SDK2: variants seen among roughly 807,000 people sequenced by gnomAD.
The protein encoded by SDK2 is protein sidekick-2.
A neutral mutation model predicts 253.9 loss-of-function variants in SDK2; 105 were observed. That is an observed-to-expected ratio of 0.41 (90% CI 0.35 to 0.49). SDK2 has a LOEUF of 0.49. Ranked by LOEUF, SDK2 falls within the 20% of genes least tolerant of loss-of-function variation. The probability of loss-of-function intolerance (pLI) is 0.06; values close to 1 mark genes in which losing one functional copy is unlikely to be tolerated. For synonymous variants in SDK2, 1,249 were observed against 1,234.9 expected (o/e 1.01, Z -0.24); for missense variants, 2,608 against 3,003.0 (o/e 0.87, Z 3.07).
intron 1 of SDK2, among the ~76,000 whole-genome samples, chr17:73,532,205 C>T (rs1436687509): frequency 7.3e-6 from 1 of 137,626 alleles, no homozygotes; most frequent in African/African-American, 2.6e-5. Flanking sequence ...ACAGCCCCCC[C>T]ACCCACCCCC....
Position 73,471,002 on chromosome 17 carries a change from C to A in SDK2, c.331+1110G>T, listed in dbSNP as rs148145146. On this transcript the variant is annotated intron_variant, in intron 3 of 44. Coordinates refer to ENST00000392650, the MANE Select transcript of SDK2 (RefSeq NM_001144952.2). Reference sequence around the variant, plus strand: ...TAGGGGAAGAGTGTCGGTTGGTACTCTAGGACCCTGGCCCCTGAGATGCCC... The same window carrying A: ...TAGGGGAAGAGTGTCGGTTGGTACTATAGGACCCTGGCCCCTGAGATGCCC... Among the ~76,000 whole-genome samples the A allele has an allele frequency of 5.7e-4, 86 of 151,996 alleles. 1 individual carries two copies. In the East Asian group the frequency reaches 0.017, roughly 29 times the overall value.
chr17:73,643,955 GCTCCCGCCGCCCCTCCCCCGCCCACT>G lies in SDK2; in HGVS notation c.64+44_64+69del. ...CAGGAGGTCACCGTGAGGCCGGCCA[GCTCCCGCCGCCCCTCCCCCGCCCACT>G]CTCCCAGCCCCCTCCCTGTCCCCAC... On this transcript the variant is annotated intron_variant, in intron 1 of 44. Transcript: ENST00000392650. This position sits in a 1 kb window ranked among gnomAD's most constrained non-coding sequence, Gnocchi z 6.9. 1 of 1,098,634 alleles carries G rather than the reference GCTCCCGCCGCCCCTCCCCCGCCCACT, an allele frequency of 9.1e-7. No individual in the cohort carries two copies. Among genetic ancestry groups the G allele is most frequent in the Non-Finnish European group, 1.3e-6 (1 of 743,330 alleles). The allele number at this position is 1,098,634 out of a possible 1,614,324, so 68.1% of individuals were successfully genotyped here.
intron 1 of SDK2, among the ~76,000 whole-genome samples, chr17:73,516,180 G>T (rs556472912): frequency 3.3e-5 from 5 of 152,276 alleles, no homozygotes; most frequent in South Asian, 2.1e-4. Flanking sequence ...TGGCTCATAA[G>T]GTTTTGAGCA....
intron 2 of SDK2, among the ~76,000 whole-genome samples, chr17:73,492,836 T>G (rs371802483): frequency 4.0e-5 from 6 of 150,058 alleles, no homozygotes; most frequent in African/African-American, 7.4e-5. Flanking sequence ...GGGAGGGGAG[T>G]CAGGCGCCAC....
At chr17:73,517,477 G>A (rs1857908080) in intron 1 of SDK2, 1 of 152,228 alleles carries the variant, frequency 6.6e-6, no homozygotes, top group South Asian at 2.1e-4. Flanking sequence ...AGGGACTGAA[G>A]CGACGCATCT....
At chr17:73,495,883 C>T (rs1015981876) in intron 2 of SDK2, among the ~76,000 whole-genome samples, 6 of 152,198 alleles carry the variant, frequency 3.9e-5, no homozygotes, top group Non-Finnish European at 8.8e-5. Flanking sequence ...CTCCATGCCA[C>T]GTACATCTCT....
intron 3 of SDK2, among the ~76,000 whole-genome samples, chr17:73,471,811 C>A (rs909875108): frequency 1.3e-5 from 2 of 152,120 alleles, no homozygotes; most frequent in Admixed American, 6.6e-5. Context: ...CAAGGCCACC[C>A]TTGTCTAAAA....
chr17:73,599,750 T>C (rs1181500167), intron 1 of SDK2, among the ~76,000 whole-genome samples: 3 of 152,220 alleles, frequency 2.0e-5, no homozygotes, highest in Non-Finnish European at 4.4e-5. Flanking sequence ...ATCCTGAGAC[T>C]CAGGCTAAAA....
chr17:73,437,538 CG>C (rs1206655885), intron 8 of SDK2, among the ~76,000 whole-genome samples, 200 bp downstream of exon 8: 1 of 152,004 alleles, frequency 6.6e-6, no homozygotes, highest in Non-Finnish European at 1.5e-5. Context: ...GTTTTGGTAC[CG>C]TAAAGGTTGA....
chr17:73,410,066 C>G (rs915036528), intron 18 of SDK2, among the ~76,000 whole-genome samples: 2 of 152,190 alleles, frequency 1.3e-5, no homozygotes, highest in African/African-American at 2.4e-5. Context: ...ATTGCCCAGG[C>G]TGGTCTCAAA....
intron 8 of SDK2, among the ~76,000 whole-genome samples, chr17:73,436,645 C>T (rs1254159983): frequency 6.6e-6 from 1 of 151,544 alleles, no homozygotes; most frequent in Non-Finnish European, 1.5e-5. Context: ...CCAAGGAGCA[C>T]CCCACGGCCC....
chr17:73,372,236 C>T (rs922859485), intron 36 of SDK2, among the ~76,000 whole-genome samples: 7 of 152,274 alleles, frequency 4.6e-5, no homozygotes, highest in Non-Finnish European at 5.9e-5. Flanking sequence ...GGGACTGACA[C>T]GCGTGCAAAG....
chr17:73,391,327 G>A (rs2062926303), intron 28 of SDK2, 113 bp downstream of exon 28: 1 of 469,156 alleles, frequency 2.1e-6, no homozygotes, highest in African/African-American at 2.0e-5. Context: ...TAGAGGGGAT[G>A]TGGAGGCTCC....
At chr17:73,355,174 A>ATATATATATATATATTTTTTTTTT in intron 40 of SDK2, among the ~76,000 whole-genome samples, 13 of 47,236 alleles carry the variant, frequency 2.8e-4, no homozygotes, top group Non-Finnish European at 3.4e-4. Context: ...ATATATATAT[A>ATATATATATATATATTTTTTTTTT]TTTTTTTTTT....
At chr17:73,626,532 T>G (rs2046204502) in intron 1 of SDK2, among the ~76,000 whole-genome samples, 2 of 152,176 alleles carry the variant, frequency 1.3e-5, no homozygotes, top group African/African-American at 2.4e-5. Flanking sequence ...GCCTGCAAGT[T>G]CCAGCTCAGA....
intron 2 of SDK2, among the ~76,000 whole-genome samples, chr17:73,482,816 G>A (rs563127567): frequency 1.1e-4 from 16 of 152,230 alleles, no homozygotes; most frequent in Non-Finnish European, 2.2e-4. Context: ...CTGGGTGAGC[G>A]GGACTCCCAC....
intron 1 of SDK2, among the ~76,000 whole-genome samples, chr17:73,593,040 C>T (rs1460394000): frequency 8.3e-6 from 1 of 119,790 alleles, no homozygotes; most frequent in Non-Finnish European, 1.7e-5. Context: ...ATTCCCCATT[C>T]GAGGCCCAGG....
chr17:73,638,038 A>G (rs1211268932), intron 1 of SDK2, among the ~76,000 whole-genome samples: 2 of 152,012 alleles, frequency 1.3e-5, no homozygotes, highest in African/African-American at 4.8e-5. Context: ...CGGGGCCCCC[A>G]CTCTTGAGGT....
rs74950630 is a variant in SDK2 at position 73,351,591 on chromosome 17, G to T, written c.5759-801C>A. ...GGGGAATTGGGAGGATGGACACAGG[G>T]GTTCTTTAGTAAAAGGTGAAAGATT... On this transcript the variant is annotated intron_variant, in intron 41 of 44. Transcript: ENST00000392650. Among the ~76,000 whole-genome samples, 7 of 152,126 alleles carry T rather than the reference G, an allele frequency of 4.6e-5. No individual in the cohort carries two copies. The East Asian group carries it at 1.4e-3, about 29-fold the overall frequency.
Sources: gnomAD v4.1 joint callset for allele counts (sites outside exome capture counted in the v4.1 genomes callset) on GRCh38, gnomAD v4.1.1 for gene constraint, Gnocchi (gnomAD v3.1) non-coding constraint, MANE v1.5 for transcripts, NCBI Gene and HGNC (gene_info 2026-07-23, HGNC 2026-07-21) for gene names.